Variants in KDM4C observed in about 807,000 individuals in gnomAD.
KDM4C encodes lysine demethylase 4C, also known as lysine-specific demethylase 4C.
KDM4C carries 81 observed loss-of-function variants against 129.3 expected under a neutral mutation model. The observed-to-expected ratio is 0.63, with a 90% CI of 0.52 to 0.75. KDM4C has a LOEUF of 0.75. Ranked by LOEUF, KDM4C falls within the 30% of genes least tolerant of loss-of-function variation. The probability of loss-of-function intolerance (pLI) is 0.00; values close to 1 mark genes in which losing one functional copy is unlikely to be tolerated. For missense variants in KDM4C, 1,457 were observed against 1,304.0 expected (o/e 1.12, Z -1.81); for synonymous variants, 573 against 456.1 (o/e 1.26, Z -3.26).
At chr9:7,038,999 T>C (rs1489988196) in intron 15 of KDM4C, among the ~76,000 whole-genome samples, 1 of 152,050 alleles carries the variant, frequency 6.6e-6, no homozygotes, top group Admixed American at 6.6e-5. Context: ...TGTGTTATTT[T>C]ATGTTAATTA....
At chr9:7,052,009 C>A (rs1292412200) in intron 17 of KDM4C, among the ~76,000 whole-genome samples, 1 of 152,158 alleles carries the variant, frequency 6.6e-6, no homozygotes, top group Non-Finnish European at 1.5e-5. Flanking sequence ...ATTTAAGAAT[C>A]CACGGGTCTA....
At chr9:6,833,426 A>G (rs999333290) in intron 4 of KDM4C, among the ~76,000 whole-genome samples, 1 of 152,122 alleles carries the variant, frequency 6.6e-6, no homozygotes, top group African/African-American at 2.4e-5. Context: ...TGATGATATA[A>G]AAAGTGTGTA....
At chr9:7,130,584 TG>T (rs756813345) in intron 19 of KDM4C, among the ~76,000 whole-genome samples, 33 of 152,340 alleles carry the variant, frequency 2.2e-4, no homozygotes, top group Non-Finnish European at 3.7e-4. Context: ...CTTTACAGCT[TG>T]GTTAGCTGTC....
chr9:7,130,933 T>A (rs1422729290), intron 19 of KDM4C, among the ~76,000 whole-genome samples: 1 of 151,064 alleles, frequency 6.6e-6, no homozygotes, highest in Admixed American at 6.6e-5. Flanking sequence ...TAATTTTTTT[T>A]TTTTTTTAAT....
chr9:6,761,229 G>A (rs6477108), intron 1 of KDM4C, among the ~76,000 whole-genome samples: 46,779 of 151,634 alleles, frequency 0.31, 8,243 homozygotes, highest in African/African-American at 0.48. Context: ...GGCTGGTCTC[G>A]AACTCCTGAC....
intron 1 of KDM4C, chr9:6,724,030 C>G (rs574510925): frequency 6.6e-6 from 1 of 152,252 alleles, no homozygotes; most frequent in East Asian, 1.9e-4. Flanking sequence ...AAGAGCTTAC[C>G]TTCATAATAG....
chr9:7,029,178 C>T (rs1388016529), intron 15 of KDM4C, among the ~76,000 whole-genome samples: 1 of 152,098 alleles, frequency 6.6e-6, no homozygotes, highest in Non-Finnish European at 1.5e-5. Context: ...CAGTTTGTGT[C>T]TAATCTGTGC....
upstream of KDM4C, among the ~76,000 whole-genome samples, chr9:6,756,376 T>C (rs1818281132): frequency 1.3e-5 from 2 of 152,230 alleles, no homozygotes; most frequent in African/African-American, 4.8e-5. Flanking sequence ...TGACGTTACA[T>C]GCACACATTT....
At chr9:6,849,421 G>T in intron 4 of KDM4C, 86 bp from the exon 5 acceptor site, 44 of 1,029,774 alleles carry the variant, frequency 4.3e-5, no homozygotes, top group Admixed American at 1.1e-4. Flanking sequence ...TAATAATTTT[G>T]GTGGATAGTG....
At chr9:6,986,317 A>C in intron 10 of KDM4C, 27 bp from the exon 11 acceptor site, 2 of 1,507,250 alleles carry the variant, frequency 1.3e-6, no homozygotes, top group Non-Finnish European at 1.8e-6. Context: ...TGCATGATTT[A>C]TTAACAGTCT....
intron 8 of KDM4C, chr9:6,978,979 G>C (rs568336105): frequency 6.6e-6 from 1 of 152,134 alleles, no homozygotes; most frequent in South Asian, 2.1e-4. Flanking sequence ...CTCAGAAATA[G>C]TGTTCTGTAC....
intron 8 of KDM4C, among the ~76,000 whole-genome samples, chr9:6,979,695 C>T (rs1014697739): frequency 3.9e-5 from 6 of 152,132 alleles, no homozygotes; most frequent in African/African-American, 1.4e-4. Flanking sequence ...TTAGGAGAGA[C>T]TACAGGCAGG....
At chr9:6,883,878 G>A (rs953020231) in intron 6 of KDM4C, among the ~76,000 whole-genome samples, 2 of 152,090 alleles carry the variant, frequency 1.3e-5, no homozygotes, top group East Asian at 1.9e-4. Context: ...TTTCAAGGGG[G>A]TGGGAAGTGA....
intron 1 of KDM4C, among the ~76,000 whole-genome samples, chr9:6,739,525 A>T (rs1238499919): frequency 6.6e-6 from 1 of 152,198 alleles, no homozygotes; most frequent in Non-Finnish European, 1.5e-5. Context: ...CTCAGCATCA[A>T]ATAACATTAT....
intron 4 of KDM4C, among the ~76,000 whole-genome samples, chr9:6,829,357 A>G (rs1217064724): frequency 6.6e-6 from 1 of 152,228 alleles, no homozygotes; most frequent in African/African-American, 2.4e-5. Flanking sequence ...CTAGAGGGGC[A>G]GATTTCTGTG....
rs186599989 is a variant in KDM4C at position 6,911,863 on chromosome 9, C to T, written c.921+18631C>T. Among the ~76,000 whole-genome samples the T allele has an allele frequency of 1.5e-3, 227 of 152,126 alleles. 2 individuals are homozygous for T. Among genetic ancestry groups the T allele is most frequent in the African/African-American group, 5.2e-3 (215 of 41,502 alleles). On this transcript the variant is annotated intron_variant, in intron 8 of 21. Coordinates refer to ENST00000381309, the MANE Select transcript of KDM4C (RefSeq NM_015061.6). ...AGGTGGCAGGGACTGGGCACTGTTG[C>T]CTGAGGGGGTAAACACCCCATGTCC...
chr9:7,076,713 T>C lies in KDM4C; in HGVS notation c.2425-26972T>C, dbSNP rs570581859. ...GTTTAATTTTTTTAAATTTCATTTG[T>C]TGACTTCCTATGTGGGGTAAAATGA... is the stretch of plus-strand genomic sequence containing the variant. On this transcript the variant is annotated intron_variant, in intron 17 of 21. Transcript: ENST00000381309. The C allele has an allele frequency of 8.1e-6, 10 of 1,232,398 alleles. No homozygotes were observed. In the African/African-American group the frequency reaches 1.2e-4, roughly 15 times the overall value. 76.3% of individuals were successfully genotyped at this position (1,232,398 alleles called of 1,614,324 possible).
chr9:7,015,718 G>A, intron 14 of KDM4C, 135 bp from the exon 15 acceptor site: 2 of 486,150 alleles, frequency 4.1e-6, no homozygotes, highest in Admixed American at 3.6e-5. Context: ...CCTTGCTTAT[G>A]TTTTGTTCTA....
At chr9:6,875,004 C>G (rs1843339322) in intron 5 of KDM4C, among the ~76,000 whole-genome samples, 1 of 151,416 alleles carries the variant, frequency 6.6e-6, no homozygotes, top group Admixed American at 6.6e-5. Context: ...CTGAAGTAGA[C>G]GTTTGATTGA....
Sources: gnomAD v4.1 joint callset for allele counts (sites outside exome capture counted in the v4.1 genomes callset) on GRCh38, gnomAD v4.1.1 for gene constraint, MANE v1.5 for transcripts, NCBI Gene and HGNC (gene_info 2026-07-23, HGNC 2026-07-21) for gene names.